MPRIP: variants seen among roughly 807,000 people sequenced by gnomAD.
The protein encoded by MPRIP is myosin phosphatase Rho interacting protein, also known as myosin phosphatase Rho-interacting protein.
A neutral mutation model predicts 234.9 loss-of-function variants in MPRIP; 59 were observed. That is an observed-to-expected ratio of 0.25 (90% CI 0.20 to 0.31). The LOEUF (loss-of-function observed/expected upper bound fraction) is 0.31. Among genes scored for constraint, MPRIP ranks in the 10% least tolerant of loss-of-function variants. The probability of loss-of-function intolerance (pLI) is 1.00; values close to 1 mark genes in which losing one functional copy is unlikely to be tolerated. For synonymous variants in MPRIP, 1,144 were observed against 1,263.9 expected (o/e 0.91, Z 2.01); for missense variants, 2,436 against 3,071.0 (o/e 0.79, Z 4.89).
intron 11 of MPRIP, among the ~76,000 whole-genome samples, chr17:17,148,658 G>C (rs992880702): frequency 3.3e-5 from 5 of 152,296 alleles, no homozygotes; most frequent in African/African-American, 1.2e-4. Context: ...GAGTGTGCAG[G>C]CTTTCTCATG....
At chr17:17,076,005 CA>C (rs1954605225) in intron 2 of MPRIP, 1 of 506,510 alleles carries the variant, frequency 2.0e-6, no homozygotes, top group Non-Finnish European at 3.5e-6. Context: ...GAGGAGCTCT[CA>C]TGTGGGTGTT....
chr17:17,180,609 C>A (rs764072599), intron 23 of MPRIP: 5 of 1,613,632 alleles, frequency 3.1e-6, no homozygotes, highest in Admixed American at 1.7e-5. Flanking sequence ...TCTGACAGTC[C>A]GTAATTGAGC....
intron 1 of MPRIP, among the ~76,000 whole-genome samples, chr17:17,067,283 C>T (rs1567692649): frequency 1.3e-5 from 2 of 152,098 alleles, no homozygotes; most frequent in African/African-American, 4.8e-5. Flanking sequence ...TATGGCTTCT[C>T]TTTGGCATAT....
At chr17:17,139,291 A>G (rs553818127) in intron 7 of MPRIP, among the ~76,000 whole-genome samples, 32 of 152,346 alleles carry the variant, frequency 2.1e-4, no homozygotes, top group Admixed American at 4.6e-4. Flanking sequence ...CTGTATACTG[A>G]GGCTTTGCCT....
intron 4 of MPRIP, 110 bp downstream of exon 4, chr17:17,126,963 C>A: frequency 7.4e-7 from 1 of 1,343,030 alleles, no homozygotes; most frequent in South Asian, 1.3e-5. Context: ...TCCCCGTGTG[C>A]CTCTATTCTT....
rs1027073460 is a variant in MPRIP, at chr17:17,165,601, G to C, written c.4010G>C (p.Gly1337Ala). Residue 1337 changes from glycine (G) to alanine (A), a missense_variant, in exon 16 of 24, where the codon GGG becomes GCG. Gly to Ala is a moderately conservative substitution (Grantham distance 60, BLOSUM62 0). Around this residue, in one of 4 missense-constraint regions of MPRIP, gnomAD observed 1,998 missense variants for 2,520.3 expected, o/e 0.79. Transcript: ENST00000651222. ...TGCCAAAGATACATTCACCCCGAAGGGTCTGAGAAGACCTGGACCAGCAGC... is the reference window on the plus strand; with the variant it reads ...TGCCAAAGATACATTCACCCCGAAGCGTCTGAGAAGACCTGGACCAGCAGC... ...IQCQRYIHPE[G>A]SEKTWTSSTS... 3 of 1,304,848 alleles carry C rather than the reference G, an allele frequency of 2.3e-6. No homozygotes were observed. The highest frequency in any genetic ancestry group is 4.6e-5 in the Admixed American group (2 of 43,576). The allele number at this position is 1,304,848 out of a possible 1,614,324, so 80.8% of individuals were successfully genotyped here.
At chr17:17,127,137 C>A (rs2090507813) in intron 4 of MPRIP, among the ~76,000 whole-genome samples, 1 of 152,246 alleles carries the variant, frequency 6.6e-6, no homozygotes, top group Non-Finnish European at 1.5e-5. Context: ...TCACCTGCCC[C>A]TCCACCTGGA....
intron 11 of MPRIP, 29 bp downstream of exon 11, chr17:17,147,416 G>A (rs1302645630): frequency 6.2e-7 from 1 of 1,602,028 alleles, no homozygotes; most frequent in Admixed American, 1.7e-5. Flanking sequence ...CCTCTGCTGT[G>A]GAGACAGCTG....
At chr17:17,092,488 T>C (rs1008868403) in intron 3 of MPRIP, among the ~76,000 whole-genome samples, 9 of 152,024 alleles carry the variant, frequency 5.9e-5, no homozygotes, top group Non-Finnish European at 8.8e-5. Context: ...CCCTTCTTAG[T>C]AGAGTGGGAG....
intron 5 of MPRIP, 70 bp from the exon 6 acceptor site, chr17:17,136,149 C>A: frequency 7.6e-6 from 12 of 1,576,588 alleles, no homozygotes; most frequent in Non-Finnish European, 1.0e-5. Flanking sequence ...AGCTAGGCAG[C>A]CAGGACCTGT....
intron 17 of MPRIP, 30 bp downstream of exon 17, chr17:17,171,895 G>A (rs1156589399): frequency 6.3e-7 from 1 of 1,591,234 alleles, no homozygotes; most frequent in African/African-American, 1.4e-5. Context: ...CTGAGGGCAG[G>A]GTGGGTGGCC....
chr17:17,101,328 T>A (rs772919689), intron 3 of MPRIP, among the ~76,000 whole-genome samples: 3 of 152,208 alleles, frequency 2.0e-5, no homozygotes, highest in South Asian at 4.1e-4. Context: ...CACTTTGGGA[T>A]GCCAAGGCAG....
chr17:17,103,072 C>T (rs2089995333), intron 3 of MPRIP, among the ~76,000 whole-genome samples: 1 of 152,204 alleles, frequency 6.6e-6, no homozygotes, highest in African/African-American at 2.4e-5. Flanking sequence ...AGCCTGTTTC[C>T]TCCATGCCAA....
chr17:17,107,426 G>C (rs1011460827), intron 3 of MPRIP, among the ~76,000 whole-genome samples: 3 of 152,240 alleles, frequency 2.0e-5, no homozygotes, highest in African/African-American at 2.4e-5. Flanking sequence ...GTGCTATTCA[G>C]GTTGCTCCGG....
intron 1 of MPRIP, among the ~76,000 whole-genome samples, chr17:17,052,047 G>A (rs1164569442): frequency 1.3e-5 from 2 of 152,254 alleles, no homozygotes; most frequent in East Asian, 3.8e-4. Context: ...GGCAAGGGTG[G>A]CCAGCAGGGC....
chr17:17,191,194 A>G lies in MPRIP; in HGVS notation c.*6300A>G, dbSNP rs1365184039. The G allele has an allele frequency of 2.0e-5, 3 of 152,250 alleles. No individual in the cohort carries two copies. Among genetic ancestry groups the G allele is most frequent in the Non-Finnish European group, 4.4e-5 (3 of 68,048 alleles). 9.4% of individuals were successfully genotyped at this position (152,250 alleles called of 1,614,324 possible). A position where few individuals can be genotyped will look rare whatever the true frequency, so the allele number is the denominator to read the frequency against. On this transcript the variant is annotated 3_prime_UTR_variant, in exon 24 of 24. Transcript: ENST00000651222. ...ATTCTCTATTGCCTCTTCTTGGTAGAGCCAGAGTCCTTAAGGAAAATCAGG... is the reference window on the plus strand; with the variant it reads ...ATTCTCTATTGCCTCTTCTTGGTAGGGCCAGAGTCCTTAAGGAAAATCAGG...
At chr17:17,117,285 T>C (rs879348023) in intron 3 of MPRIP, among the ~76,000 whole-genome samples, 1 of 152,218 alleles carries the variant, frequency 6.6e-6, no homozygotes, top group Non-Finnish European at 1.5e-5. Context: ...AGCTGTGCAG[T>C]ATCGTTTGTA....
In MPRIP at chr17:17,126,919, G is replaced by T. The variant is rs145309229; in HGVS notation, c.419+66G>T. 3.8e-6 allele frequency: 6 copies of T among 1,558,652 alleles called. No homozygotes were observed. In the African/African-American group the frequency reaches 5.4e-5, roughly 14 times the overall value. ...CCACAGGGCCAACACCAGATGGGCC[G>T]CCTGCCCCTGTGGCAGTGTCGATGT... On this transcript the variant is annotated intron_variant, in intron 4 of 23. Coordinates refer to ENST00000651222, the MANE Select transcript of MPRIP (RefSeq NM_001364716.4).
intron 9 of MPRIP, among the ~76,000 whole-genome samples, chr17:17,145,554 G>A (rs1343325545): frequency 3.9e-5 from 6 of 152,224 alleles, no homozygotes; most frequent in Non-Finnish European, 8.8e-5. Flanking sequence ...TGGCCTGAGG[G>A]TCTCAGCGGG....
Sources: allele counts gnomAD v4.1 joint callset (sites outside exome capture counted in the v4.1 genomes callset), GRCh38; gene constraint gnomAD v4.1.1; regional missense constraint gnomAD v4.1.1; transcripts MANE v1.5; gene names NCBI Gene and HGNC (gene_info 2026-07-23, HGNC 2026-07-21).